Variants in UMAD1 observed in about 807,000 individuals in gnomAD.
The protein encoded by UMAD1 is UBAP1-MVB12-associated (UMA)-domain containing protein 1.
A neutral mutation model predicts 6.1 loss-of-function variants in UMAD1; 8 were observed. The ratio of observed to expected loss-of-function variants is 1.30; its 90% CI spans 0.76 to 2.35. The LOEUF is 2.35. Among genes scored for constraint, UMAD1 ranks in the 30% most tolerant of loss-of-function variants. UMAD1 has a pLI of 0.00. For synonymous variants in UMAD1, 56 were observed against 31.4 expected (o/e 1.78, Z -2.61); for missense variants, 130 against 78.4 (o/e 1.66, Z -2.49).
intron 2 of UMAD1, among the ~76,000 whole-genome samples, chr7:7,721,698 T>C (rs1020850229): frequency 6.6e-6 from 1 of 152,176 alleles, no homozygotes; most frequent in African/African-American, 2.4e-5. Flanking sequence ...TGATCTTTTT[T>C]GTGATTGTCC....
chr7:7,684,995 A>G (rs1379580422), intron 2 of UMAD1, among the ~76,000 whole-genome samples: 1 of 152,218 alleles, frequency 6.6e-6, no homozygotes, highest in Non-Finnish European at 1.5e-5. Flanking sequence ...CTAATGCTGT[A>G]ACTTCACATT....
chr7:7,819,830 A>G (rs1285111785), intron 3 of UMAD1, among the ~76,000 whole-genome samples: 1 of 152,214 alleles, frequency 6.6e-6, no homozygotes, highest in Non-Finnish European at 1.5e-5. Context: ...TTGAAATAGC[A>G]GACCATCCCA....
chr7:7,825,621 T>G (rs982050907), intron 3 of UMAD1, among the ~76,000 whole-genome samples: 5 of 152,118 alleles, frequency 3.3e-5, no homozygotes, highest in African/African-American at 1.2e-4. Context: ...CCACAACATG[T>G]GGGAATTCAA....
intron 1 of UMAD1, among the ~76,000 whole-genome samples, chr7:7,668,588 A>C (rs1277042292): frequency 6.6e-6 from 1 of 152,194 alleles, no homozygotes; most frequent in Non-Finnish European, 1.5e-5. Context: ...ACTGACTTTA[A>C]GTGAAACAAC....
intron 2 of UMAD1, among the ~76,000 whole-genome samples, chr7:7,761,487 T>G (rs1781889392): frequency 6.6e-6 from 1 of 152,250 alleles, no homozygotes; most frequent in African/African-American, 2.4e-5. Context: ...AAGATATGTC[T>G]TTGGTTTCAA....
chr7:7,802,029 T>G (rs192005869), intron 3 of UMAD1, among the ~76,000 whole-genome samples: 1 of 152,280 alleles, frequency 6.6e-6, no homozygotes, highest in East Asian at 1.9e-4. Context: ...TGAGTGATTA[T>G]GTACTAATAT....
rs566525005 is a variant in UMAD1 at position 7,851,311 on chromosome 7, A to G, written c.157-25970A>G. On this transcript the variant is annotated intron_variant, in intron 3 of 3. Coordinates refer to ENST00000682710, the MANE Select transcript of UMAD1 (RefSeq NM_001302348.2). ...ATTTTGTTTATCTATTCATCAGTCT[A>G]TGAATATTTGAGTTGTTTTCACCTT... 7.2e-4 allele frequency among the ~76,000 whole-genome samples: 109 copies of G among 152,256 alleles called. 1 individual carries two copies. The highest frequency in any genetic ancestry group is 2.5e-3 in the African/African-American group (102 of 41,560).
At chr7:7,812,718 T>G (rs773715670) in intron 3 of UMAD1, among the ~76,000 whole-genome samples, 1 of 152,202 alleles carries the variant, frequency 6.6e-6, no homozygotes, top group Non-Finnish European at 1.5e-5. Context: ...CAGTTTCTAC[T>G]TTTATAGCTT....
intron 1 of UMAD1, among the ~76,000 whole-genome samples, chr7:7,665,667 T>C (rs1779427347): frequency 6.6e-6 from 1 of 152,198 alleles, no homozygotes; most frequent in Admixed American, 6.5e-5. Context: ...TACTCCCTTG[T>C]CATCCCTCCT....
chr7:7,729,109 A>T (rs1165953693), intron 2 of UMAD1, among the ~76,000 whole-genome samples: 1 of 152,202 alleles, frequency 6.6e-6, no homozygotes, highest in African/African-American at 2.4e-5. Context: ...AACTGGATGG[A>T]GAAGGGAGAG....
intron 2 of UMAD1, among the ~76,000 whole-genome samples, chr7:7,739,784 T>C (rs1363643719): frequency 1.1e-4 from 16 of 152,252 alleles, no homozygotes; most frequent in Admixed American, 9.8e-4. Context: ...TTTGTAATGA[T>C]GACAGATTCA....
At chr7:7,860,302 A>G (rs1751399225) in intron 3 of UMAD1, among the ~76,000 whole-genome samples, 1 of 152,114 alleles carries the variant, frequency 6.6e-6, no homozygotes, top group Admixed American at 6.5e-5. Flanking sequence ...ATCTTACCCA[A>G]ATAAGTTTAT....
chr7:7,808,332 G>T (rs1456219696), intron 3 of UMAD1, among the ~76,000 whole-genome samples: 1 of 151,924 alleles, frequency 6.6e-6, no homozygotes. Flanking sequence ...ACCTGTAGGG[G>T]CCCAGTTTTG....
At chr7:7,717,140 T>G (rs1360233967) in intron 2 of UMAD1, among the ~76,000 whole-genome samples, 6 of 150,284 alleles carry the variant, frequency 4.0e-5, no homozygotes, top group Non-Finnish European at 8.9e-5. Flanking sequence ...CACTGCAACC[T>G]CCGTCTCCCG....
intron 3 of UMAD1, among the ~76,000 whole-genome samples, chr7:7,827,825 G>A (rs1783376999): frequency 6.6e-6 from 1 of 152,128 alleles, no homozygotes. Flanking sequence ...GCCTTTTAAT[G>A]AAAATTACTA....
At chr7:7,860,228 A>G (rs1784087900) in intron 3 of UMAD1, among the ~76,000 whole-genome samples, 1 of 152,148 alleles carries the variant, frequency 6.6e-6, no homozygotes, top group Non-Finnish European at 1.5e-5. Flanking sequence ...TAAATTGAAC[A>G]GATTTACTTT....
At chr7:7,788,847 T>A (rs1782505439) in intron 2 of UMAD1, among the ~76,000 whole-genome samples, 1 of 152,220 alleles carries the variant, frequency 6.6e-6, no homozygotes. Flanking sequence ...AAATGTCCCA[T>A]CTTCAGAGGA....
At chr7:7,649,188 A>G (rs1304037107) in intron 1 of UMAD1, among the ~76,000 whole-genome samples, 5 of 151,870 alleles carry the variant, frequency 3.3e-5, no homozygotes, top group Non-Finnish European at 4.4e-5. Flanking sequence ...AAGAAAAGAA[A>G]AGAATAAAAA....
chr7:7,756,246 G>C lies in UMAD1; in HGVS notation c.83-45424G>C, dbSNP rs1254439753. On this transcript the variant is annotated intron_variant, in intron 2 of 3. Coordinates refer to ENST00000682710, the MANE Select transcript of UMAD1 (RefSeq NM_001302348.2). ...GGAGTTATCATGAAATCAGACTTGA[G>C]GACATGTGGATTTACACCTGGTGAA... Among the ~76,000 whole-genome samples, 3 of 152,170 alleles carry C rather than the reference G, an allele frequency of 2.0e-5. No individual in the cohort carries two copies. The East Asian group carries it at 5.8e-4, about 29-fold the overall frequency.
Sources: allele counts gnomAD v4.1 joint callset (sites outside exome capture counted in the v4.1 genomes callset), GRCh38; gene constraint gnomAD v4.1.1; transcripts MANE v1.5; gene names NCBI Gene and HGNC (gene_info 2026-07-23, HGNC 2026-07-21).